Variants in TSPAN11 observed in about 807,000 individuals in gnomAD.
TSPAN11 encodes tetraspanin 11, also known as tetraspanin-11.
Under a neutral mutation model 32.9 loss-of-function variants are expected in TSPAN11, and 29 were observed. The observed-to-expected ratio is 0.88, with a 90% CI of 0.66 to 1.20. The LOEUF is 1.20. TSPAN11 is among the 50% of genes most tolerant of loss of function. TSPAN11 has a pLI of 0.00. For synonymous variants in TSPAN11, 140 were observed against 141.3 expected, an observed-to-expected ratio of 0.99 and a Z score of 0.07; for missense variants, 283 against 329.1, an observed-to-expected ratio of 0.86 and a Z score of 1.08.
At chr12:30,966,908 A>G (rs998458584) in intron 3 of TSPAN11, among the ~76,000 whole-genome samples, 4 of 152,260 alleles carry the variant, frequency 2.6e-5, no homozygotes, top group Non-Finnish European at 4.4e-5. Flanking sequence ...GGGTCAGAGT[A>G]TATTCAGCTT....
chr12:30,963,727 C>A, intron 2 of TSPAN11, 99 bp from the exon 3 acceptor site: 1 of 1,306,664 alleles, frequency 7.7e-7, no homozygotes, highest in Non-Finnish European at 1.0e-6. Flanking sequence ...ACTGAATGAG[C>A]CAGTGCAAGA....
intron 3 of TSPAN11, among the ~76,000 whole-genome samples, chr12:30,970,374 A>G (rs774767614): frequency 2.6e-5 from 4 of 151,800 alleles, no homozygotes; most frequent in Non-Finnish European, 4.4e-5. Context: ...GAGTTCTGAA[A>G]CTGTGTTCTC....
Position 30,945,813 on chromosome 12 carries a change from TGTC to T in TSPAN11, c.-11-8165_-11-8163del, listed in dbSNP as rs547014264. On this transcript the variant is annotated intron_variant, in intron 1 of 7. Transcript: ENST00000546076. ...GGCATTTGCGGTTGCTTTTCTGAGATGTCGTATGGTGTGGGTCCTGTCTATGAC... is the reference window on the plus strand; with the variant it reads ...GGCATTTGCGGTTGCTTTTCTGAGATGTATGGTGTGGGTCCTGTCTATGAC... 6.1e-4 allele frequency among the ~76,000 whole-genome samples: 93 copies of T among 152,204 alleles called. No homozygotes were observed. The East Asian group carries it at 0.012, about 19-fold the overall frequency.
chr12:30,965,996 A>T (rs1938723834), intron 3 of TSPAN11, among the ~76,000 whole-genome samples: 1 of 126,998 alleles, frequency 7.9e-6, no homozygotes, highest in Non-Finnish European at 1.8e-5. Flanking sequence ...AAACTTTCTC[A>T]AAACATTATG....
intron 4 of TSPAN11, 29 bp downstream of exon 4, chr12:30,978,664 T>C: frequency 6.2e-7 from 1 of 1,609,788 alleles, no homozygotes; most frequent in Non-Finnish European, 8.5e-7. Flanking sequence ...TCCTGCATCC[T>C]CTGTCAGTGT....
At chr12:31,007,896 C>T in the TSPAN11 span, among the ~76,000 whole-genome samples, 1 of 152,142 alleles carries the variant, frequency 6.6e-6, no homozygotes, top group Admixed American at 6.5e-5. Context: ...CCTTCATTCT[C>T]ACAGCCATAG....
At chr12:31,005,590 C>T in the TSPAN11 span, among the ~76,000 whole-genome samples, 2 of 152,202 alleles carry the variant, frequency 1.3e-5, no homozygotes, top group East Asian at 1.9e-4. Context: ...CTCCCTGTGC[C>T]GACAACTCCT....
In TSPAN11 at chr12:30,975,338, G is replaced by A. The variant is rs1348081241; in HGVS notation, c.277-3223G>A. Among the ~76,000 whole-genome samples, 2 of 151,962 alleles carry A rather than the reference G, an allele frequency of 1.3e-5. No individual in the cohort carries two copies. Among genetic ancestry groups the A allele is most frequent in the East Asian group, 1.9e-4 (1 of 5,162 alleles). On this transcript the variant is annotated intron_variant, in intron 3 of 7. Coordinates refer to ENST00000546076, the MANE Select transcript of TSPAN11 (RefSeq NM_001370302.1). The surrounding 1 kb of genome is among the most constrained non-coding windows in gnomAD (Gnocchi z 4.5). Reference sequence around the variant, plus strand: ...ACCTGTCCAGGTGAGTCACACACCCGCAGCCTCCCTGCTGTGGAAGCTGCT... The same window carrying A: ...ACCTGTCCAGGTGAGTCACACACCCACAGCCTCCCTGCTGTGGAAGCTGCT...
intron 2 of TSPAN11, 32 bp from the exon 3 acceptor site, chr12:30,963,794 A>T: frequency 6.3e-7 from 1 of 1,593,090 alleles, no homozygotes. Flanking sequence ...GGCCCCCGCC[A>T]CCCCCTGCTC....
Position 30,952,147 on chromosome 12 carries a change from C to T in TSPAN11, c.-11-1834C>T, listed in dbSNP as rs1262985179. ...CTGTGGTTTGAGTGAGTGAATCAGG[C>T]CTCTTTGCTGCAAGTAGAGAGAAAG... On this transcript the variant is annotated intron_variant, in intron 1 of 7. Transcript: ENST00000546076. 3.9e-5 allele frequency among the ~76,000 whole-genome samples: 6 copies of T among 152,114 alleles called. No homozygotes were observed. The East Asian group carries it at 1.2e-3, about 29-fold the overall frequency.
At position 30,971,109 on chromosome 12, in the gene TSPAN11, G is replaced by T. The variant is rs552089896; in HGVS notation, c.276+7092G>T. On this transcript the variant is annotated intron_variant, in intron 3 of 7. Coordinates refer to ENST00000546076, the MANE Select transcript of TSPAN11 (RefSeq NM_001370302.1). ...TCTTGGGTTTTCTTTGGCTGTTGAT[G>T]CCCTGTTCTGAGAATAGGCTAGTAC... is the stretch of plus-strand genomic sequence containing the variant. 2.6e-5 allele frequency among the ~76,000 whole-genome samples: 4 copies of T among 152,234 alleles called. No homozygotes were observed. The South Asian group carries it at 8.3e-4, about 32-fold the overall frequency.
the TSPAN11 span, among the ~76,000 whole-genome samples, chr12:31,008,863 G>A: frequency 6.6e-6 from 1 of 152,196 alleles, no homozygotes; most frequent in African/African-American, 2.4e-5. Flanking sequence ...AGTTCCCTGT[G>A]CGCCATTCGA....
intron 2 of TSPAN11, chr12:30,955,280 C>G (rs551700496): frequency 1.3e-5 from 2 of 152,294 alleles, no homozygotes; most frequent in South Asian, 4.1e-4. Flanking sequence ...GCAAGAGTTT[C>G]CTGCAATAGT....
chr12:30,968,832 C>A (rs1343856424), intron 3 of TSPAN11, among the ~76,000 whole-genome samples: 2 of 152,184 alleles, frequency 1.3e-5, no homozygotes, highest in Non-Finnish European at 2.9e-5. Flanking sequence ...ACGTGGTCAA[C>A]CAGGGCACTA....
chr12:30,984,153 G>T (rs1939153172), intron 7 of TSPAN11, among the ~76,000 whole-genome samples: 1 of 152,186 alleles, frequency 6.6e-6, no homozygotes, highest in African/African-American at 2.4e-5. Context: ...AGCTGAGTGT[G>T]GGCTGTCCTT....
chr12:30,958,171 C>T (rs1938537984), intron 2 of TSPAN11, among the ~76,000 whole-genome samples: 1 of 151,978 alleles, frequency 6.6e-6, no homozygotes, highest in African/African-American at 2.4e-5. Flanking sequence ...CTCAGTAAGA[C>T]TCATGAGATT....
chr12:30,981,446 T>C (rs1003954974), intron 5 of TSPAN11, among the ~76,000 whole-genome samples: 10 of 152,204 alleles, frequency 6.6e-5, no homozygotes, highest in Non-Finnish European at 1.3e-4. Context: ...GAGGTACTTT[T>C]GTTGTCTGCA....
chr12:30,960,458 A>G (rs1257750437), intron 2 of TSPAN11, among the ~76,000 whole-genome samples: 1 of 151,938 alleles, frequency 6.6e-6, no homozygotes, highest in Non-Finnish European at 1.5e-5. Flanking sequence ...TTCATTGCAG[A>G]AGCCCTATGG....
chr12:30,978,877 G>A (rs1469833374), intron 4 of TSPAN11: 6 of 524,502 alleles, frequency 1.1e-5, no homozygotes, highest in Non-Finnish European at 1.7e-5. Context: ...GGCTTCCCAA[G>A]GGACATTGCG....
Sources: gnomAD v4.1 joint callset for allele counts (sites outside exome capture counted in the v4.1 genomes callset) on GRCh38, gnomAD v4.1.1 for gene constraint, Gnocchi (gnomAD v3.1) non-coding constraint, MANE v1.5 for transcripts, NCBI Gene and HGNC (gene_info 2026-07-23, HGNC 2026-07-21) for gene names.